KIAA1671: variants seen among roughly 807,000 people sequenced by gnomAD.
KIAA1671 encodes the protein KIAA1671, also known as uncharacterized protein KIAA1671.
In KIAA1671, 52 loss-of-function variants were observed where a neutral mutation model predicts 131.2. The ratio of observed to expected loss-of-function variants is 0.40; its 90% CI spans 0.32 to 0.50. The LOEUF is 0.50. Among genes scored for constraint, KIAA1671 ranks in the 20% least tolerant of loss-of-function variants. The pLI is 0.73. For synonymous variants in KIAA1671, 1,003 were observed against 961.6 expected, an observed-to-expected ratio of 1.04 and a Z score of -0.80; for missense variants, 2,360 against 2,364.2, an observed-to-expected ratio of 1.00 and a Z score of 0.04.
intron 1 of KIAA1671, among the ~76,000 whole-genome samples, chr22:24,956,141 C>A (rs187504093): frequency 2.6e-5 from 4 of 152,242 alleles, no homozygotes; most frequent in Non-Finnish European, 5.9e-5. Flanking sequence ...ACAACTTTGA[C>A]ATTGATCAGT....
At chr22:25,005,236 T>G (rs1347344410) in intron 1 of KIAA1671, among the ~76,000 whole-genome samples, 1 of 149,734 alleles carries the variant, frequency 6.7e-6, no homozygotes, top group Non-Finnish European at 1.5e-5. Context: ...TAGTCCCAGC[T>G]ACTCAGGAGG....
Position 25,022,896 on chromosome 22 carries a change from C to T in KIAA1671, c.-207-2737C>T, listed in dbSNP as rs1925750015. ...ACTTGGCTTTGGTCATAATGGTCAG[C>T]TAATACACTGTTTAAAAAAGAGGCC... On this transcript the variant is annotated intron_variant, in intron 1 of 12. Coordinates refer to ENST00000358431, the MANE Select transcript of KIAA1671 (RefSeq NM_001145206.2). 3.3e-5 allele frequency: 5 copies of T among 152,470 alleles called. 1 individual carries two copies. In the South Asian group the frequency reaches 1.0e-3, roughly 32 times the overall value. 9.4% of individuals were successfully genotyped at this position (152,470 alleles called of 1,614,324 possible).
Position 25,195,365 on chromosome 22 carries a change from T to C in KIAA1671, c.*2964T>C, listed in dbSNP as rs1297093317. 2 of 152,198 alleles carry C rather than the reference T, an allele frequency of 1.3e-5. No homozygotes were observed. Among genetic ancestry groups the C allele is most frequent in the Non-Finnish European group, 2.9e-5 (2 of 68,046 alleles). 9.4% of individuals were successfully genotyped at this position (152,198 alleles called of 1,614,324 possible). A position where few individuals can be genotyped will look rare whatever the true frequency, so the allele number is the denominator to read the frequency against. On this transcript the variant is annotated 3_prime_UTR_variant, in exon 13 of 13. Coordinates refer to ENST00000358431, the MANE Select transcript of KIAA1671 (RefSeq NM_001145206.2). ...CTCAGAAATCAGTGTTGTGGAGGAT[T>C]ACTCCATGCCACCGGAGAAACTCTG...
intron 6 of KIAA1671, among the ~76,000 whole-genome samples, chr22:25,104,080 G>A (rs1390665807): frequency 6.6e-6 from 1 of 152,128 alleles, no homozygotes; most frequent in Non-Finnish European, 1.5e-5. Flanking sequence ...CTGGGTTCAA[G>A]CGATTCTCCT....
At chr22:25,187,747 C>T (rs548623809) in intron 11 of KIAA1671, among the ~76,000 whole-genome samples, 1 of 152,244 alleles carries the variant, frequency 6.6e-6, no homozygotes, top group South Asian at 2.1e-4. Context: ...CTGGATGATC[C>T]TCTGCCTCCC....
chr22:25,165,508 A>G (rs1409909940), intron 6 of KIAA1671, among the ~76,000 whole-genome samples: 1 of 152,226 alleles, frequency 6.6e-6, no homozygotes, highest in East Asian at 1.9e-4. Flanking sequence ...ATAGAAATGT[A>G]TTCTCCATGC....
chr22:25,127,576 C>G (rs977162799), intron 6 of KIAA1671, among the ~76,000 whole-genome samples: 2 of 152,180 alleles, frequency 1.3e-5, no homozygotes, highest in Non-Finnish European at 2.9e-5. Flanking sequence ...CTGCCCCACC[C>G]CACCCCTAAG....
intron 6 of KIAA1671, among the ~76,000 whole-genome samples, chr22:25,166,548 A>G (rs1336776540): frequency 6.6e-6 from 1 of 151,686 alleles, no homozygotes; most frequent in East Asian, 1.9e-4. Context: ...CCTGAGGGGG[A>G]TCCCCCTCTC....
chr22:25,024,813 T>C (rs1369837267), intron 1 of KIAA1671, among the ~76,000 whole-genome samples: 2 of 152,116 alleles, frequency 1.3e-5, no homozygotes, highest in African/African-American at 4.8e-5. Flanking sequence ...GGGCTTACCA[T>C]TGAATGGGAG....
At chr22:25,073,218 C>T (rs1428076114) in intron 6 of KIAA1671, among the ~76,000 whole-genome samples, 1 of 152,096 alleles carries the variant, frequency 6.6e-6, no homozygotes, top group African/African-American at 2.4e-5. Flanking sequence ...CAGGTGCGTG[C>T]CATCATGCCC....
chr22:25,035,743 G>A (rs1926553798), intron 4 of KIAA1671, among the ~76,000 whole-genome samples: 1 of 152,136 alleles, frequency 6.6e-6, no homozygotes, highest in Admixed American at 6.6e-5. Flanking sequence ...CATTAAATTG[G>A]GGGGATGGGT....
intron 8 of KIAA1671, 147 bp from the exon 9 acceptor site, chr22:25,177,201 A>T: frequency 4.2e-6 from 3 of 713,664 alleles, no homozygotes; most frequent in Non-Finnish European, 6.8e-6. Flanking sequence ...GTGTTAGGTT[A>T]CTATTAAAAT....
At chr22:25,129,120 T>C (rs1490646873) in intron 6 of KIAA1671, among the ~76,000 whole-genome samples, 2 of 151,026 alleles carry the variant, frequency 1.3e-5, no homozygotes, top group African/African-American at 4.9e-5. Context: ...GTTATGTTTC[T>C]CTCCCAAGCA....
chr22:25,017,348 A>T (rs1211546953), intron 1 of KIAA1671, among the ~76,000 whole-genome samples: 1 of 152,064 alleles, frequency 6.6e-6, no homozygotes, highest in African/African-American at 2.4e-5. Context: ...GCGCCACTGC[A>T]CTCCAGCCTG....
intron 1 of KIAA1671, among the ~76,000 whole-genome samples, chr22:24,975,696 A>G (rs574025822): frequency 2.6e-5 from 4 of 152,006 alleles, no homozygotes; most frequent in Admixed American, 6.6e-5. Context: ...ATAGGGTTCA[A>G]CCTCAGGAGG....
At chr22:25,073,903 A>C (rs1928959489) in intron 6 of KIAA1671, among the ~76,000 whole-genome samples, 2 of 152,182 alleles carry the variant, frequency 1.3e-5, no homozygotes, top group South Asian at 4.1e-4. Flanking sequence ...CATATTGGTC[A>C]GGCTGGTCTC....
At chr22:25,136,458 G>C (rs142101379) in intron 6 of KIAA1671, among the ~76,000 whole-genome samples, 1 of 152,360 alleles carries the variant, frequency 6.6e-6, no homozygotes, top group African/African-American at 2.4e-5. Context: ...TCTCAAAGGG[G>C]AGAAGGGATA....
chr22:25,164,433 A>G (rs1933568730), intron 6 of KIAA1671, among the ~76,000 whole-genome samples: 1 of 152,246 alleles, frequency 6.6e-6, no homozygotes, highest in Non-Finnish European at 1.5e-5. Flanking sequence ...CTCATTTGAC[A>G]TACGACCAAA....
At chr22:24,997,575 G>A (rs1036358199) in intron 1 of KIAA1671, among the ~76,000 whole-genome samples, 2 of 152,122 alleles carry the variant, frequency 1.3e-5, no homozygotes, top group South Asian at 2.1e-4. Flanking sequence ...CTTGTGGGAG[G>A]CTGGTGGGGC....
Sources: gnomAD v4.1 joint callset for allele counts (sites outside exome capture counted in the v4.1 genomes callset) on GRCh38, gnomAD v4.1.1 for gene constraint, MANE v1.5 for transcripts, NCBI Gene and HGNC (gene_info 2026-07-23, HGNC 2026-07-21) for gene names.